Variants in AKAP11 observed in about 807,000 individuals in gnomAD.
AKAP11 encodes the protein A-kinase anchor protein 11.
A neutral mutation model predicts 146.1 loss-of-function variants in AKAP11; 36 were observed. That is an observed-to-expected ratio of 0.25 (90% confidence interval 0.19 to 0.33). The LOEUF is 0.33. Ranked by LOEUF, AKAP11 falls within the 10% of genes least tolerant of loss-of-function variation. AKAP11 has a pLI of 1.00. For synonymous variants in AKAP11, 780 were observed against 786.5 expected (o/e 0.99, Z 0.14); for missense variants, 2,201 against 2,197.0 (o/e 1.00, Z -0.04).
In AKAP11 at chr13:42,272,813, T is replaced by G. The variant is rs549514583; in HGVS notation, c.-100+585T>G. 1.8e-4 allele frequency among the ~76,000 whole-genome samples: 27 copies of G among 152,316 alleles called. 1 individual carries two copies. In the South Asian group the frequency reaches 5.6e-3, roughly 32 times the overall value. Reference sequence around the variant, plus strand: ...ATACTCTCCTAGGCTGTTAATGGCTTAAGGCTGGCCATAAAGTACCCCGAA... The same window carrying G: ...ATACTCTCCTAGGCTGTTAATGGCTGAAGGCTGGCCATAAAGTACCCCGAA... On this transcript the variant is annotated intron_variant, in intron 1 of 12. Transcript: ENST00000025301.
At chr13:42,308,399 T>A in intron 8 of AKAP11, 55 bp from the exon 9 acceptor site, 3 of 1,437,174 alleles carry the variant, frequency 2.1e-6, no homozygotes, top group South Asian at 2.6e-5. Context: ...GTCTTGTAAG[T>A]TCAGAATCTG....
chr13:42,284,097 T>A (rs1460125455), intron 1 of AKAP11, among the ~76,000 whole-genome samples: 1 of 152,224 alleles, frequency 6.6e-6, no homozygotes, highest in Non-Finnish European at 1.5e-5. Flanking sequence ...TTGCTAAGCT[T>A]CCTCTTGCCT....
chr13:42,295,943 T>C (rs1187025362), intron 5 of AKAP11, among the ~76,000 whole-genome samples: 1 of 152,226 alleles, frequency 6.6e-6, no homozygotes, highest in Non-Finnish European at 1.5e-5. Flanking sequence ...AAAATTCTTA[T>C]GTTTTTAGTT....
rs187110537 is a variant in AKAP11 at position 42,310,322 on chromosome 13, G to T, written c.5273+1713G>T. Among the ~76,000 whole-genome samples the T allele has an allele frequency of 1.1e-4, 17 of 152,282 alleles. 1 individual carries two copies. The highest frequency in any genetic ancestry group is 9.8e-4 in the Admixed American group (15 of 15,300). On this transcript the variant is annotated intron_variant, in intron 9 of 12. Coordinates refer to ENST00000025301, the MANE Select transcript of AKAP11 (RefSeq NM_016248.4). ...GCGGGGCTCATCCAGGATTGGTGGT[G>T]TGCTCGTTGCATATACAGTGTCCAG... is the stretch of plus-strand genomic sequence containing the variant.
chr13:42,313,901 C>A lies in AKAP11; in HGVS notation c.5365C>A (p.Pro1789Thr), dbSNP rs745831227. The A allele has an allele frequency of 1.2e-6, 2 of 1,612,944 alleles. No homozygotes were observed. The highest frequency in any genetic ancestry group is 1.7e-6 in the Non-Finnish European group (2 of 1,179,378). Residue 1789 changes from proline to threonine, a missense_variant, in exon 11 of 13, where the codon CCA becomes ACA. By Grantham distance (38) the Pro-to-Thr change is conservative (BLOSUM62 -1). This residue lies in a region of AKAP11 where 1,867 missense variants were observed against 1,833.5 expected (regional missense o/e 1.02). Coordinates refer to ENST00000025301, the MANE Select transcript of AKAP11 (RefSeq NM_016248.4). Reference protein sequence around the residue: ...LSFPTSDSDGPDDKDEEHEDE... With the variant: ...LSFPTSDSDGTDDKDEEHEDE... ...TGCTATTTTATTCATAAGTGATGGA[C>A]CAGATGATAAAGATGAAGAGCATGA...
rs1308327269 is a variant in AKAP11 at position 42,303,321 on chromosome 13, C to T, written c.4575C>T (p.Gly1525=). 6.2e-7 allele frequency: 1 copy of T among 1,612,574 alleles called. No homozygotes were observed. Among genetic ancestry groups the T allele is most frequent in the Non-Finnish European group, 8.5e-7 (1 of 1,180,018 alleles). ...ATCACAGGTTTTACCACAGCACTGG[C>T]AGTTTAAATGGATATGGTTGTGGAG... ...SQNHRFYHST[G]SLNGYGCGDN... is the part of the protein sequence containing the mutation. The change falls in exon 8 of 13, where the codon GGC becomes GGT. Residue 1525 remains glycine, a synonymous_variant. Transcript: ENST00000025301.
In AKAP11 at chr13:42,303,495, A is replaced by G; in HGVS notation, c.4749A>G (p.Thr1583=). The G allele has an allele frequency of 1.9e-6, 3 of 1,614,232 alleles. No homozygotes were observed. The highest frequency in any genetic ancestry group is 2.5e-6 in the Non-Finnish European group (3 of 1,180,034). The part of the protein sequence containing the change: ...VTYAEKLSPL[T]GQACRYCDLK... ...ATGCAGAAAAGTTGTCACCTCTTAC[A>G]GGTCAAGCTTGCAGATACTGTGACC... is the stretch of plus-strand genomic sequence containing the variant. Residue 1583 remains threonine, a synonymous_variant, in exon 8 of 13, where the codon ACA becomes ACG. Coordinates refer to ENST00000025301, the MANE Select transcript of AKAP11 (RefSeq NM_016248.4).
At chr13:42,291,321 C>T (rs1354566603) in intron 3 of AKAP11, among the ~76,000 whole-genome samples, 1 of 152,186 alleles carries the variant, frequency 6.6e-6, no homozygotes, top group African/African-American at 2.4e-5. Context: ...GGCGCAGTCT[C>T]AGCTAACTGC....
intron 1 of AKAP11, among the ~76,000 whole-genome samples, chr13:42,274,866 G>A (rs893560115): frequency 3.3e-5 from 5 of 152,210 alleles, no homozygotes; most frequent in Non-Finnish European, 5.9e-5. Flanking sequence ...GAGGTATATT[G>A]TAAAGAGTTT....
At position 42,303,337 on chromosome 13, in the gene AKAP11, G is replaced by A. The variant is rs138099599; in HGVS notation, c.4591G>A (p.Gly1531Ser). ...YHSTGSLNGY[G>S]CGDNVVQAVE... ...CAGCACTGGCAGTTTAAATGGATATGGTTGTGGAGACAATGTTGTTCAAGC... is the reference window on the plus strand; with the variant it reads ...CAGCACTGGCAGTTTAAATGGATATAGTTGTGGAGACAATGTTGTTCAAGC... Residue 1531 changes from glycine (G) to serine (S), a missense_variant, in exon 8 of 13, where the codon GGT becomes AGT. Around this residue, in one of 3 missense-constraint regions of AKAP11, gnomAD observed 1,867 missense variants for 1,833.5 expected, o/e 1.02. Transcript: ENST00000025301. 2.1e-5 allele frequency: 34 copies of A among 1,612,452 alleles called. No homozygotes were observed. The highest frequency in any genetic ancestry group is 2.5e-5 in the Non-Finnish European group (30 of 1,180,016).
intron 12 of AKAP11, among the ~76,000 whole-genome samples, chr13:42,318,771 T>G (rs1594366196): frequency 6.6e-6 from 1 of 152,108 alleles, no homozygotes; most frequent in Non-Finnish European, 1.5e-5. Context: ...TTTAGTTAGG[T>G]GAAGAATTTC....
At chr13:42,273,772 G>A (rs1958841546) in intron 1 of AKAP11, among the ~76,000 whole-genome samples, 1 of 151,966 alleles carries the variant, frequency 6.6e-6, no homozygotes, top group Non-Finnish European at 1.5e-5. Flanking sequence ...TTTAGAGGCT[G>A]GAAAAAATAC....
intron 5 of AKAP11, among the ~76,000 whole-genome samples, chr13:42,295,993 T>G (rs946741470): frequency 6.6e-6 from 1 of 152,208 alleles, no homozygotes; most frequent in African/African-American, 2.4e-5. Context: ...TTGTAAAAAT[T>G]AACAATTAGC....
chr13:42,286,935 A>T (rs901804943), intron 3 of AKAP11, among the ~76,000 whole-genome samples: 8 of 152,248 alleles, frequency 5.3e-5, no homozygotes, highest in African/African-American at 1.9e-4. Context: ...TGAACAAAGA[A>T]GGGAAGAATG....
intron 5 of AKAP11, 83 bp from the exon 6 acceptor site, chr13:42,296,965 A>G (rs1320264372): frequency 2.3e-6 from 3 of 1,287,896 alleles, no homozygotes; most frequent in South Asian, 3.2e-5. Context: ...AGACCTTAAA[A>G]TTTTTGGATA....
chr13:42,293,239 C>T (rs1959300414), intron 4 of AKAP11, among the ~76,000 whole-genome samples: 1 of 152,184 alleles, frequency 6.6e-6, no homozygotes, highest in East Asian at 1.9e-4. Flanking sequence ...GATCGAGTTA[C>T]ATCCTGATAG....
intron 3 of AKAP11, 21 bp downstream of exon 3, chr13:42,286,420 T>C: frequency 6.4e-7 from 1 of 1,556,944 alleles, no homozygotes. Flanking sequence ...TCTATTAGGT[T>C]TCTTTTAGTG....
chr13:42,319,436 T>A lies in AKAP11; in HGVS notation c.*208T>A, dbSNP rs573764773. The A allele has an allele frequency of 1.6e-6, 1 of 613,244 alleles. No homozygotes were observed. The highest frequency in any genetic ancestry group is 2.7e-6 in the Non-Finnish European group (1 of 370,158). 38.0% of individuals were successfully genotyped at this position (613,244 alleles called of 1,614,324 possible). On this transcript the variant is annotated 3_prime_UTR_variant, in exon 13 of 13. Transcript: ENST00000025301. ...CTGTCAAAATACTACCTTCATTTAT[T>A]CTTCTATACACATGTGTAGTGTGTC...
intron 1 of AKAP11, among the ~76,000 whole-genome samples, chr13:42,282,150 G>A (rs762201850): frequency 6.6e-6 from 1 of 151,546 alleles, no homozygotes; most frequent in Non-Finnish European, 1.5e-5. Flanking sequence ...TGTATTTTTA[G>A]TAGAGTCTGG....
Sources: allele counts gnomAD v4.1 joint callset (sites outside exome capture counted in the v4.1 genomes callset), GRCh38; gene constraint gnomAD v4.1.1; regional missense constraint gnomAD v4.1.1; transcripts MANE v1.5; gene names NCBI Gene and HGNC (gene_info 2026-07-23, HGNC 2026-07-21).